KIF26B: variants seen among roughly 807,000 people sequenced by gnomAD.
KIF26B encodes the protein kinesin family member 26B.
In KIF26B, 63 loss-of-function variants were observed where a neutral mutation model predicts 151.2. The observed-to-expected ratio is 0.42, with a 90% CI of 0.34 to 0.51. The LOEUF (loss-of-function observed/expected upper bound fraction) is 0.51. Ranked by LOEUF, KIF26B falls within the 20% of genes least tolerant of loss-of-function variation. The pLI, the probability that KIF26B is intolerant of heterozygous loss-of-function variation, is 0.07. For synonymous variants in KIF26B, 1,357 were observed against 1,262.1 expected (o/e 1.08, Z -1.59); for missense variants, 2,813 against 2,913.6 (o/e 0.97, Z 0.79).
rs184225408 is a variant in KIF26B at position 245,484,805 on chromosome 1, C to A, written c.1167-55962C>A. 7.3e-3 allele frequency among the ~76,000 whole-genome samples: 956 copies of A among 131,048 alleles called. 31 individuals are homozygous for A. The South Asian group carries it at 0.099, about 14-fold the overall frequency. 86.0% of individuals were successfully genotyped at this position (131,048 alleles called of 152,430 possible). On this transcript the variant is annotated intron_variant, in intron 4 of 14. Transcript: ENST00000407071. ...TATTATTATTATTATTCTTTTAATT[C>A]TTCAAAGGAGAAGCTCCCAAGAGAG...
At chr1:245,570,403 A>G (rs1178149551) in intron 5 of KIF26B, among the ~76,000 whole-genome samples, 1 of 152,118 alleles carries the variant, frequency 6.6e-6, no homozygotes, top group Non-Finnish European at 1.5e-5. Context: ...TGTTACTGGC[A>G]TCTGTCTTTT....
At chr1:245,321,984 A>G (rs938453494) in intron 2 of KIF26B, among the ~76,000 whole-genome samples, 7 of 152,248 alleles carry the variant, frequency 4.6e-5, no homozygotes, top group Non-Finnish European at 7.3e-5. Flanking sequence ...ATGCCCATCA[A>G]TGATAGACTG....
chr1:245,306,597 T>TGG (rs1671543177), intron 2 of KIF26B, among the ~76,000 whole-genome samples: 1 of 152,202 alleles, frequency 6.6e-6, no homozygotes, highest in Non-Finnish European at 1.5e-5. Context: ...CTAGATACAG[T>TGG]CTAAACTCTG....
intron 2 of KIF26B, among the ~76,000 whole-genome samples, chr1:245,359,716 TC>T (rs1672775688): frequency 6.7e-6 from 1 of 149,040 alleles, no homozygotes; most frequent in Non-Finnish European, 1.5e-5. Context: ...CTCCCTTCCT[TC>T]CTTCCTTCCG....
chr1:245,491,388 T>C (rs1338866373), intron 4 of KIF26B, among the ~76,000 whole-genome samples: 1 of 152,240 alleles, frequency 6.6e-6, no homozygotes, highest in Admixed American at 6.5e-5. Context: ...AAAGATCTTT[T>C]GTTTTCCTTG....
intron 4 of KIF26B, among the ~76,000 whole-genome samples, chr1:245,499,253 G>A (rs539141361): frequency 4.9e-4 from 74 of 152,268 alleles, no homozygotes; most frequent in Middle Eastern, 6.8e-3. Context: ...TGATGTGTGT[G>A]TGTGTGTGTC....
chr1:245,442,183 C>T (rs957792392), intron 4 of KIF26B, among the ~76,000 whole-genome samples: 5 of 152,138 alleles, frequency 3.3e-5, no homozygotes, highest in Non-Finnish European at 7.3e-5. Context: ...CCAGGGCATG[C>T]GGCTGACAAG....
intron 4 of KIF26B, among the ~76,000 whole-genome samples, chr1:245,425,006 C>T (rs1349903881): frequency 2.7e-5 from 4 of 150,938 alleles, no homozygotes; most frequent in Non-Finnish European, 4.4e-5. Context: ...GACAACTGAT[C>T]GTCAAGTTGG....
At chr1:245,298,949 T>C (rs1224098330) in intron 2 of KIF26B, among the ~76,000 whole-genome samples, 3 of 152,216 alleles carry the variant, frequency 2.0e-5, no homozygotes, top group African/African-American at 7.2e-5. Flanking sequence ...GGAGAAGCGC[T>C]GTTCTCAGAG....
intron 2 of KIF26B, among the ~76,000 whole-genome samples, chr1:245,176,453 A>G (rs1187876086): frequency 6.6e-6 from 1 of 152,202 alleles, no homozygotes; most frequent in East Asian, 1.9e-4. Flanking sequence ...AGGGTCTATC[A>G]TGGGATTTAG....
intron 9 of KIF26B, among the ~76,000 whole-genome samples, chr1:245,645,705 C>T (rs909767673): frequency 1.3e-5 from 2 of 151,842 alleles, no homozygotes; most frequent in African/African-American, 2.4e-5. Context: ...TTCTGTATAA[C>T]GATCAACCAA....
At chr1:245,359,963 C>T (rs1487366857) in intron 2 of KIF26B, among the ~76,000 whole-genome samples, 3 of 150,884 alleles carry the variant, frequency 2.0e-5, no homozygotes, top group African/African-American at 7.3e-5. Flanking sequence ...ACCTCTGCCT[C>T]CCAGGTTCAA....
At chr1:245,652,540 C>T (rs1453431985) in intron 10 of KIF26B, among the ~76,000 whole-genome samples, 4 of 152,058 alleles carry the variant, frequency 2.6e-5, no homozygotes, top group Admixed American at 6.5e-5. Context: ...ATAGAAATCT[C>T]GAGAGATTGT....
chr1:245,511,540 T>C (rs1276035226), intron 4 of KIF26B, among the ~76,000 whole-genome samples: 2 of 152,244 alleles, frequency 1.3e-5, no homozygotes, highest in African/African-American at 4.8e-5. Context: ...AGTTAGCCTG[T>C]GGCTTTCAGA....
chr1:245,212,753 C>T (rs1398069902), intron 2 of KIF26B, among the ~76,000 whole-genome samples: 3 of 152,224 alleles, frequency 2.0e-5, no homozygotes, highest in African/African-American at 7.2e-5. Context: ...GCCGTGTGCT[C>T]GAACCGCCCC....
rs12068137 is a variant in KIF26B at position 245,473,494 on chromosome 1, A to G, written c.1166+53749A>G. On this transcript the variant is annotated intron_variant, in intron 4 of 14. Transcript: ENST00000407071. ...ATCGACAAAAGAGGCTGAATTCTAT[A>G]TTCTGCACTATATGGACTGCCTTTC... is the stretch of plus-strand genomic sequence containing the variant. Among the ~76,000 whole-genome samples, 1,280 of 147,370 alleles carry G rather than the reference A, an allele frequency of 8.7e-3. 25 individuals carry two copies. The highest frequency in any genetic ancestry group is 0.029 in the African/African-American group (1,188 of 41,210).
intron 2 of KIF26B, among the ~76,000 whole-genome samples, chr1:245,332,700 A>ACAAGACAGC (rs1172825914): frequency 1.3e-5 from 2 of 152,108 alleles, no homozygotes; most frequent in African/African-American, 2.4e-5. Context: ...CATGCTTTGC[A>ACAAGACAGC]CAAGACAGCG....
chr1:245,459,340 C>T (rs1417005611), intron 4 of KIF26B, among the ~76,000 whole-genome samples: 2 of 152,148 alleles, frequency 1.3e-5, no homozygotes, highest in South Asian at 2.1e-4. Context: ...ACCTGTCTCC[C>T]CTCTTTTGGT....
intron 9 of KIF26B, among the ~76,000 whole-genome samples, chr1:245,643,639 G>A (rs1302250101): frequency 1.3e-5 from 2 of 152,010 alleles, no homozygotes; most frequent in Non-Finnish European, 2.9e-5. Context: ...TTACCCATGT[G>A]GTTATCATTT....
Sources: allele counts gnomAD v4.1 joint callset (sites outside exome capture counted in the v4.1 genomes callset), GRCh38; gene constraint gnomAD v4.1.1; transcripts MANE v1.5; gene names NCBI Gene and HGNC (gene_info 2026-07-23, HGNC 2026-07-21).